The following C11orf65 variants were observed in gnomAD, a reference collection of about 807,000 sequenced individuals.
C11orf65 encodes the protein chromosome 11 open reading frame 65.
C11orf65 carries 38 observed loss-of-function variants against 35.3 expected under a neutral mutation model. The observed-to-expected ratio is 1.08, with a 90% confidence interval of 0.83 to 1.41. The LOEUF (loss-of-function observed/expected upper bound fraction) is 1.41, where lower values mean the gene tolerates loss of function less well. Ranked by LOEUF, C11orf65 falls within the 40% of genes most tolerant of loss-of-function variation. C11orf65 has a pLI of 0.00. For synonymous variants in C11orf65, 105 were observed against 114.4 expected (o/e 0.92, Z 0.53); for missense variants, 370 against 367.1 (o/e 1.01, Z -0.06).
chr11:108,435,725 T>C (rs1020685529), intron 2 of C11orf65, among the ~76,000 whole-genome samples: 6 of 152,240 alleles, frequency 3.9e-5, no homozygotes, highest in Non-Finnish European at 7.3e-5. Flanking sequence ...TTCTTCTATA[T>C]ATCTGCATAT....
Position 108,331,496 on chromosome 11 carries a change from T to G in C11orf65, c.*54A>C, listed in dbSNP as rs747145967. 1.2e-6 allele frequency: 2 copies of G among 1,613,554 alleles called. No individual in the cohort carries two copies. Among genetic ancestry groups the G allele is most frequent in the South Asian group, 1.1e-5 (1 of 91,032 alleles). On this transcript the variant is annotated 3_prime_UTR_variant, in exon 4 of 4. Coordinates refer to the C11orf65 transcript ENST00000524755. ...AAATTTTTGCCTCTTATGTACCAAT[T>G]GGCTGCTAGAATGGGGACCAAGATG...
At chr11:108,321,513 T>C (rs1372739560) in intron 6 of C11orf65, 9 of 1,568,560 alleles carry the variant, frequency 5.7e-6, no homozygotes, top group African/African-American at 1.4e-5. Flanking sequence ...CCGGGCACGG[T>C]GGCTCATGCC....
intron 2 of C11orf65, among the ~76,000 whole-genome samples, chr11:108,434,839 C>G (rs943441858): frequency 6.6e-6 from 1 of 152,176 alleles, no homozygotes; most frequent in Non-Finnish European, 1.5e-5. Context: ...CACAGCATTG[C>G]TCCTGATTAG....
intron 2 of C11orf65, among the ~76,000 whole-genome samples, chr11:108,352,958 G>A (rs1565577702): frequency 6.6e-6 from 1 of 152,088 alleles, no homozygotes; most frequent in South Asian, 2.1e-4. Context: ...GGAAATAGGT[G>A]CAGCCGTAAA....
chr11:108,444,111 G>C (rs1460703983), intron 2 of C11orf65, among the ~76,000 whole-genome samples: 1 of 152,004 alleles, frequency 6.6e-6, no homozygotes, highest in Non-Finnish European at 1.5e-5. Flanking sequence ...GAATCAAATA[G>C]ACGCAATAAA....
rs951561612 is a variant in C11orf65, at chr11:108,406,838, A to G, written c.354T>C (p.Asp118=). 16 of 1,613,296 alleles carry G rather than the reference A, an allele frequency of 9.9e-6. No individual in the cohort carries two copies. The highest frequency in any genetic ancestry group is 6.7e-5 in the Admixed American group (4 of 59,994). The change falls in exon 5 of 9, where the codon GAT becomes GAC. Residue 118 remains aspartate (D), a synonymous_variant. Coordinates refer to ENST00000393084, the MANE Select transcript of C11orf65 (RefSeq NM_152587.5). Reference sequence around the variant, plus strand: ...CACTATGATCCTCTTCCTGAAGATGATCATTTTTATTATGAGATGTATGCT... The same window carrying G: ...CACTATGATCCTCTTCCTGAAGATGGTCATTTTTATTATGAGATGTATGCT... ...PAKHTSHNKN[D]HLQEEDHSGW...
intron 6 of C11orf65, among the ~76,000 whole-genome samples, chr11:108,402,679 A>C (rs2092459766): frequency 6.6e-6 from 1 of 152,146 alleles, no homozygotes. Context: ...TCACTACAAT[A>C]AAAAATAAAT....
intron 6 of C11orf65, chr11:108,315,747 A>G: frequency 1.8e-6 from 2 of 1,088,022 alleles, no homozygotes; most frequent in Non-Finnish European, 2.8e-6. Context: ...ATTGGTAATG[A>G]TACAATTTAA....
chr11:108,354,070 A>ACACAC (rs2089570249), intron 2 of C11orf65, among the ~76,000 whole-genome samples: 3,969 of 114,882 alleles, frequency 0.035, 83 homozygotes, highest in Non-Finnish European at 0.047. Flanking sequence ...CACACACACA[A>ACACAC]ACACACACAC....
intron 2 of C11orf65, among the ~76,000 whole-genome samples, chr11:108,437,707 T>TAAAAAAAAAAAAAAAAAAAAAAAAAA (rs145337876): frequency 7.9e-5 from 3 of 38,032 alleles, no homozygotes; most frequent in Non-Finnish European, 8.7e-5. Flanking sequence ...GACTCAGTCT[T>TAAAAAAAAAAAAAAAAAAAAAAAAAA]AAAAAAAAAA....
downstream of C11orf65, chr11:108,330,108 G>C (rs2086095348): frequency 3.1e-6 from 4 of 1,287,284 alleles, no homozygotes; most frequent in Non-Finnish European, 3.3e-6. Flanking sequence ...TTTTTCCCTG[G>C]GATAAAAACC....
At chr11:108,460,532 T>C (rs762965153) in intron 2 of C11orf65, among the ~76,000 whole-genome samples, 5 of 152,200 alleles carry the variant, frequency 3.3e-5, no homozygotes, top group Admixed American at 6.5e-5. Flanking sequence ...AGTGGCTATA[T>C]TCCTAACATC....
chr11:108,442,349 T>G (rs999467372), intron 2 of C11orf65, among the ~76,000 whole-genome samples: 3 of 152,210 alleles, frequency 2.0e-5, no homozygotes, highest in Non-Finnish European at 4.4e-5. Context: ...TTACGTCTGA[T>G]TGGTGTACCT....
intron 6 of C11orf65, among the ~76,000 whole-genome samples, chr11:108,394,478 C>T (rs1395392099): frequency 6.6e-6 from 1 of 152,170 alleles, no homozygotes; most frequent in Non-Finnish European, 1.5e-5. Flanking sequence ...AGTATTCAGA[C>T]CCTTAGTTTT....
chr11:108,457,695 T>C (rs565323039), intron 2 of C11orf65, among the ~76,000 whole-genome samples: 1 of 152,246 alleles, frequency 6.6e-6, no homozygotes, highest in East Asian at 1.9e-4. Flanking sequence ...TGAAAGAAAG[T>C]AGGATGGGGT....
intron 2 of C11orf65, among the ~76,000 whole-genome samples, chr11:108,371,198 T>A (rs1328766022): frequency 1.3e-5 from 2 of 152,144 alleles, no homozygotes; most frequent in Admixed American, 1.3e-4. Context: ...TGTGTGTTCA[T>A]AGCCGGTATA....
intron 7 of C11orf65, among the ~76,000 whole-genome samples, chr11:108,390,615 T>C (rs995239274): frequency 2.0e-5 from 3 of 152,190 alleles, no homozygotes; most frequent in Non-Finnish European, 4.4e-5. Context: ...GGGAAACTCA[T>C]TCAAAATGGA....
At chr11:108,378,228 C>G (rs1476097682), downstream of C11orf65, among the ~76,000 whole-genome samples, 30 of 151,576 alleles carry the variant, frequency 2.0e-4, no homozygotes, top group African/African-American at 6.1e-4. Context: ...TGACTTCAAA[C>G]TATACTACAA....
intron 6 of C11orf65, among the ~76,000 whole-genome samples, chr11:108,314,473 A>C (rs2084442583): frequency 6.6e-6 from 1 of 150,628 alleles, no homozygotes; most frequent in Non-Finnish European, 1.5e-5. Context: ...TTTTTATGTG[A>C]TATAAGCCTG....
Sources: gnomAD v4.1 joint callset for allele counts (sites outside exome capture counted in the v4.1 genomes callset) on GRCh38, gnomAD v4.1.1 for gene constraint, MANE v1.5 for transcripts, NCBI Gene and HGNC (gene_info 2026-07-23, HGNC 2026-07-21) for gene names.